Variants in NDST3 observed in about 807,000 individuals in gnomAD.
NDST3 encodes N-deacetylase and N-sulfotransferase 3.
A neutral mutation model predicts 96.1 loss-of-function variants in NDST3; 58 were observed. The observed-to-expected ratio is 0.60, with a 90% CI of 0.49 to 0.75. NDST3 has a LOEUF of 0.75. Ranked by LOEUF, NDST3 falls within the 30% of genes least tolerant of loss-of-function variation. NDST3 has a pLI of 0.00. For synonymous variants in NDST3, 333 were observed against 359.7 expected, an observed-to-expected ratio of 0.93 and a Z score of 0.84; for missense variants, 788 against 1,034.2, an observed-to-expected ratio of 0.76 and a Z score of 3.27.
At chr4:118,218,050 T>C (rs2125990580) in intron 6 of NDST3, among the ~76,000 whole-genome samples, 1 of 152,106 alleles carries the variant, frequency 6.6e-6, no homozygotes, top group African/African-American at 2.4e-5. Context: ...GAGGCAGTAA[T>C]TAATAGCCTA....
chr4:118,071,668 T>C (rs1387148113), intron 2 of NDST3, among the ~76,000 whole-genome samples: 1 of 152,168 alleles, frequency 6.6e-6, no homozygotes. Flanking sequence ...CTACTACTTA[T>C]GGGAATCTAG....
At chr4:118,086,666 G>A (rs1412172401) in intron 2 of NDST3, among the ~76,000 whole-genome samples, 4 of 152,116 alleles carry the variant, frequency 2.6e-5, no homozygotes, top group African/African-American at 4.8e-5. Flanking sequence ...ACCTTAACTC[G>A]CAGGACATCA....
At chr4:118,218,822 T>C (rs1739358994) in intron 6 of NDST3, among the ~76,000 whole-genome samples, 1 of 152,166 alleles carries the variant, frequency 6.6e-6, no homozygotes, top group Non-Finnish European at 1.5e-5. Context: ...CTCGTTAAGC[T>C]GATAAGTAAC....
intron 2 of NDST3, among the ~76,000 whole-genome samples, chr4:118,102,935 T>C (rs1729883273): frequency 6.6e-6 from 1 of 152,124 alleles, no homozygotes; most frequent in South Asian, 2.1e-4. Context: ...GAATATCAAA[T>C]AAATAGGTAA....
chr4:118,111,240 T>A (rs771941227), intron 3 of NDST3, among the ~76,000 whole-genome samples: 5 of 152,160 alleles, frequency 3.3e-5, no homozygotes, highest in African/African-American at 7.2e-5. Flanking sequence ...AGTGATAGGA[T>A]CTTTCATATC....
rs368411247 is a variant in NDST3, at chr4:118,255,655, C to G, written c.2565C>G (p.His855Gln). 1.1e-4 allele frequency: 179 copies of G among 1,613,724 alleles called. No homozygotes were observed. Among genetic ancestry groups the G allele is most frequent in the Non-Finnish European group, 1.5e-4 (176 of 1,179,814 alleles). Residue 855 changes from histidine to glutamine, a missense_variant, in exon 14 of 14, where the codon CAC becomes CAG. Physicochemically the swap from His to Gln is conservative, Grantham distance 24 (BLOSUM62 0). Transcript: ENST00000296499. ...DHNVELSKLL[H>Q]KLGQPLPSWL... ...ACGTGGAACTCTCAAAGCTGCTGCA[C>G]AAACTGGGTCAGCCTCTGCCATCCT...
intron 2 of NDST3, among the ~76,000 whole-genome samples, chr4:118,056,628 G>A (rs140357574): frequency 5.1e-4 from 78 of 151,972 alleles, no homozygotes; most frequent in African/African-American, 1.4e-3. Flanking sequence ...GTTATTAAGC[G>A]TGTACTACAT....
intron 2 of NDST3, among the ~76,000 whole-genome samples, chr4:118,103,403 G>A (rs974095169): frequency 6.6e-6 from 1 of 152,066 alleles, no homozygotes; most frequent in Admixed American, 6.6e-5. Flanking sequence ...AGAATTGAGA[G>A]AGGAAGAAGG....
chr4:118,210,827 A>G (rs1454690773), intron 6 of NDST3, among the ~76,000 whole-genome samples: 1 of 152,030 alleles, frequency 6.6e-6, no homozygotes, highest in Non-Finnish European at 1.5e-5. Context: ...GTTCCTGATA[A>G]AAGACTAGGG....
At chr4:118,112,834 G>A (rs1730750437) in intron 3 of NDST3, among the ~76,000 whole-genome samples, 1 of 152,070 alleles carries the variant, frequency 6.6e-6, no homozygotes, top group Admixed American at 6.6e-5. Context: ...GCTTCCCTGA[G>A]CCATAAGATA....
intron 6 of NDST3, among the ~76,000 whole-genome samples, chr4:118,144,419 A>T (rs112506584): frequency 0.046 from 6,962 of 152,146 alleles, 274 homozygotes; most frequent in African/African-American, 0.11. Context: ...TGACCTTGTG[A>T]TCTGCCTGCC....
Position 118,054,862 on chromosome 4 carries a change from G to A in NDST3, c.952G>A (p.Gly318Arg), listed in dbSNP as rs1378687097. ...TGATGATATATTTGTGGGAAAAGAG[G>A]GAACAAGAATGAACACCAATGATGT... Reference protein sequence around the residue: ...DIDDIFVGKEGTRMNTNDVKA... With the variant: ...DIDDIFVGKERTRMNTNDVKA... Residue 318 changes from glycine (G) to arginine (R), a missense_variant, in exon 2 of 14, where the codon GGA (glycine) becomes AGA (arginine). Physicochemically the swap from Gly to Arg is moderately radical, Grantham distance 125. Coordinates refer to ENST00000296499, the MANE Select transcript of NDST3 (RefSeq NM_004784.3). 4 of 1,611,696 alleles carry A rather than the reference G, an allele frequency of 2.5e-6. No individual in the cohort carries two copies. Among genetic ancestry groups the A allele is most frequent in the Admixed American group, 3.3e-5 (2 of 59,870 alleles).
intron 6 of NDST3, among the ~76,000 whole-genome samples, chr4:118,157,583 C>T (rs1364304169): frequency 2.0e-5 from 3 of 151,906 alleles, no homozygotes; most frequent in South Asian, 2.1e-4. Context: ...CCACCATGCC[C>T]GGCTAATTTT....
At chr4:118,208,842 T>C (rs1451903824) in intron 6 of NDST3, among the ~76,000 whole-genome samples, 1 of 144,742 alleles carries the variant, frequency 6.9e-6, no homozygotes, top group Admixed American at 6.8e-5. Flanking sequence ...ATTTAGAAAC[T>C]TAACAACAAT....
chr4:118,163,017 C>A (rs1409613739), intron 6 of NDST3, among the ~76,000 whole-genome samples: 1 of 151,536 alleles, frequency 6.6e-6, no homozygotes, highest in African/African-American at 2.4e-5. Context: ...CCATCACTGG[C>A]CATCAGAGAA....
Position 118,256,964 on chromosome 4 carries a change from G to C in NDST3, c.*1252G>C, listed in dbSNP as rs1371802799. The C allele has an allele frequency of 6.6e-6, 1 of 152,138 alleles. No homozygotes were observed. Among genetic ancestry groups the C allele is most frequent in the East Asian group, 1.9e-4 (1 of 5,192 alleles). The allele number at this position is 152,138 out of a possible 1,614,324, so 9.4% of individuals were successfully genotyped here. On this transcript the variant is annotated 3_prime_UTR_variant, in exon 14 of 14. Transcript: ENST00000296499. The stretch of plus-strand genomic sequence containing the variant: ...ACCCATCACTCTGGTGGAAGTAACA[G>C]ATCATAGGTACAATTAAGGATTAGC...
At position 118,208,552 on chromosome 4, in the gene NDST3, C is replaced by A. The variant is rs962280181; in HGVS notation, c.1540-15939C>A. Among the ~76,000 whole-genome samples, 3 of 144,376 alleles carry A rather than the reference C, an allele frequency of 2.1e-5. 1 individual carries two copies. The highest frequency in any genetic ancestry group is 7.7e-5 in the African/African-American group (3 of 39,018). 94.7% of individuals were successfully genotyped at this position (144,376 alleles called of 152,430 possible). A position where few individuals can be genotyped will look rare whatever the true frequency, so the allele number is the denominator to read the frequency against. ...TGACAAACTTTACTTCTTAAAATTT[C>A]TTATTTCAATCAAAACAGATGTGGC... On this transcript the variant is annotated intron_variant, in intron 6 of 13. Coordinates refer to ENST00000296499, the MANE Select transcript of NDST3 (RefSeq NM_004784.3).
intron 12 of NDST3, among the ~76,000 whole-genome samples, chr4:118,242,999 G>A (rs1047234738): frequency 2.6e-5 from 4 of 151,990 alleles, no homozygotes; most frequent in Admixed American, 6.6e-5. Flanking sequence ...TCAGATTTAG[G>A]AGAATTATAT....
At chr4:118,204,074 T>G (rs1427219965) in intron 6 of NDST3, among the ~76,000 whole-genome samples, 1 of 152,170 alleles carries the variant, frequency 6.6e-6, no homozygotes, top group African/African-American at 2.4e-5. Flanking sequence ...CTTCCAAACC[T>G]AGTTTCGATC....
Sources: allele counts gnomAD v4.1 joint callset (sites outside exome capture counted in the v4.1 genomes callset), GRCh38; gene constraint gnomAD v4.1.1; transcripts MANE v1.5; gene names NCBI Gene and HGNC (gene_info 2026-07-23, HGNC 2026-07-21).